The following ATP6V1H variants were observed in gnomAD, a reference collection of about 807,000 sequenced individuals.
The protein encoded by ATP6V1H is V-type proton ATPase subunit H.
Under a neutral mutation model 71.7 loss-of-function variants are expected in ATP6V1H, and 39 were observed. The observed-to-expected ratio is 0.54, with a 90% CI of 0.42 to 0.71. ATP6V1H has a LOEUF of 0.71. Ranked by LOEUF, ATP6V1H falls within the 30% of genes least tolerant of loss-of-function variation. ATP6V1H has a pLI of 0.00. For synonymous variants in ATP6V1H, 192 were observed against 199.3 expected, an observed-to-expected ratio of 0.96 and a Z score of 0.31; for missense variants, 509 against 594.9, an observed-to-expected ratio of 0.86 and a Z score of 1.50.
chr8:53,802,246 T>C (rs1261994863), intron 7 of ATP6V1H, among the ~76,000 whole-genome samples: 1 of 152,194 alleles, frequency 6.6e-6, no homozygotes, highest in Admixed American at 6.6e-5. Context: ...GAGAATACTG[T>C]TCCACATAAT....
chr8:53,828,446 C>G (rs975538411), intron 4 of ATP6V1H, among the ~76,000 whole-genome samples: 1 of 152,148 alleles, frequency 6.6e-6, no homozygotes, highest in Non-Finnish European at 1.5e-5. Context: ...TATGAGCAAC[C>G]ACGGTCCGCA....
At chr8:53,825,404 T>A (rs952296107) in intron 4 of ATP6V1H, among the ~76,000 whole-genome samples, 2 of 151,730 alleles carry the variant, frequency 1.3e-5, no homozygotes, top group South Asian at 4.2e-4. Flanking sequence ...ACCAACAAAC[T>A]TTTTCATAGA....
chr8:53,836,509 C>T (rs1453859442), intron 2 of ATP6V1H, among the ~76,000 whole-genome samples: 1 of 152,190 alleles, frequency 6.6e-6, no homozygotes, highest in Non-Finnish European at 1.5e-5. Flanking sequence ...GAATGACCCA[C>T]AGCTAATCAG....
At chr8:53,801,236 A>G (rs1018183786) in intron 8 of ATP6V1H, among the ~76,000 whole-genome samples, 1 of 152,216 alleles carries the variant, frequency 6.6e-6, no homozygotes, top group East Asian at 1.9e-4. Context: ...TAACAGAGAA[A>G]CAATGCCTTG....
At chr8:53,790,423 C>A (rs115174966) in intron 9 of ATP6V1H, among the ~76,000 whole-genome samples, 1 of 152,162 alleles carries the variant, frequency 6.6e-6, no homozygotes, top group Non-Finnish European at 1.5e-5. Flanking sequence ...AACCACCCCA[C>A]GACCAGCCCT....
intron 13 of ATP6V1H, among the ~76,000 whole-genome samples, chr8:53,732,209 A>C (rs925401889): frequency 1.3e-5 from 2 of 152,078 alleles, no homozygotes; most frequent in African/African-American, 4.8e-5. Flanking sequence ...GTGACCTTTT[A>C]CCCTTTCCTT....
intron 13 of ATP6V1H, among the ~76,000 whole-genome samples, chr8:53,727,472 G>A (rs1806853627): frequency 6.6e-6 from 1 of 152,128 alleles, no homozygotes; most frequent in South Asian, 2.1e-4. Flanking sequence ...CCCATTCCAT[G>A]TTTTGTCAGA....
At chr8:53,716,910 A>T (rs1282228630) in intron 13 of ATP6V1H, among the ~76,000 whole-genome samples, 1 of 152,254 alleles carries the variant, frequency 6.6e-6, no homozygotes, top group East Asian at 1.9e-4. Context: ...AAACTATTTA[A>T]AAGTTTTCCT....
intron 13 of ATP6V1H, among the ~76,000 whole-genome samples, chr8:53,732,668 A>G (rs1487793658): frequency 6.6e-6 from 1 of 151,394 alleles, no homozygotes; most frequent in Non-Finnish European, 1.5e-5. Context: ...CAAAAAAAAA[A>G]AAAGAAAAAA....
At chr8:53,785,876 G>A (rs924642425) in intron 9 of ATP6V1H, among the ~76,000 whole-genome samples, 3 of 152,184 alleles carry the variant, frequency 2.0e-5, no homozygotes, top group Admixed American at 2.0e-4. Context: ...CACAAATGCT[G>A]CTGCTTGATC....
chr8:53,842,925 G>A (rs182789139), intron 1 of ATP6V1H, 109 bp downstream of exon 1: 4 of 152,638 alleles, frequency 2.6e-5, no homozygotes, highest in Admixed American at 6.5e-5. Flanking sequence ...AAGAACAGGA[G>A]AGGACCAAGC....
chr8:53,820,406 A>T (rs1361689049), intron 4 of ATP6V1H, among the ~76,000 whole-genome samples: 29 of 151,988 alleles, frequency 1.9e-4, no homozygotes, highest in Admixed American at 1.9e-3. Flanking sequence ...CAAAAAAAAA[A>T]ATCCAAGGGC....
intron 7 of ATP6V1H, among the ~76,000 whole-genome samples, chr8:53,802,839 A>C (rs992689823): frequency 1.3e-4 from 20 of 152,366 alleles, no homozygotes; most frequent in Admixed American, 1.3e-3. Flanking sequence ...AAGTCTGATT[A>C]AACACTTGAA....
At chr8:53,810,510 G>A (rs1284054601) in intron 7 of ATP6V1H, among the ~76,000 whole-genome samples, 1 of 152,136 alleles carries the variant, frequency 6.6e-6, no homozygotes, top group Admixed American at 6.5e-5. Flanking sequence ...GGGAGGCCAA[G>A]GCAGGCGGAT....
At chr8:53,833,334 G>A (rs2130530609) in intron 2 of ATP6V1H, 2 of 413,810 alleles carry the variant, frequency 4.8e-6, no homozygotes, top group African/African-American at 2.0e-5. Context: ...CTAAGGGGCT[G>A]TACTGAGGAT....
chr8:53,718,739 T>C (rs1370666517), intron 13 of ATP6V1H, among the ~76,000 whole-genome samples: 2 of 152,192 alleles, frequency 1.3e-5, no homozygotes, highest in African/African-American at 2.4e-5. Flanking sequence ...AGGCATCTAC[T>C]TCTTCCTGAC....
intron 13 of ATP6V1H, among the ~76,000 whole-genome samples, chr8:53,733,373 G>C (rs1283305512): frequency 6.6e-6 from 1 of 152,190 alleles, no homozygotes; most frequent in African/African-American, 2.4e-5. Context: ...TCTTCAGGGA[G>C]GCCCTGGCTC....
chr8:53,740,650 C>G (rs1437302827), intron 13 of ATP6V1H, among the ~76,000 whole-genome samples: 1 of 152,044 alleles, frequency 6.6e-6, no homozygotes, highest in African/African-American at 2.4e-5. Context: ...TTTAGAACAC[C>G]AGCAGCATAT....
chr8:53,733,479 G>A (rs1368214041), intron 13 of ATP6V1H, among the ~76,000 whole-genome samples: 1 of 152,220 alleles, frequency 6.6e-6, no homozygotes, highest in African/African-American at 2.4e-5. Context: ...AACTGGGTGC[G>A]TCAAAGGAAC....
Sources: gnomAD v4.1 joint callset for allele counts (sites outside exome capture counted in the v4.1 genomes callset) on GRCh38, gnomAD v4.1.1 for gene constraint, MANE v1.5 for transcripts, NCBI Gene and HGNC (gene_info 2026-07-23, HGNC 2026-07-21) for gene names.